The following NPIPB2 variants were observed in gnomAD, a reference collection of about 807,000 sequenced individuals.
The protein encoded by NPIPB2 is nuclear pore complex-interacting protein family member B2.
In NPIPB2, 27 loss-of-function variants were observed where a neutral mutation model predicts 30.8. The ratio of observed to expected loss-of-function variants is 0.88; its 90% CI spans 0.65 to 1.21. The LOEUF is 1.21. Among genes scored for constraint, NPIPB2 ranks in the 50% most tolerant of loss-of-function variants. NPIPB2 has a pLI of 0.00. For synonymous variants in NPIPB2, 147 were observed against 162.0 expected (o/e 0.91, Z 0.70); for missense variants, 440 against 446.2 (o/e 0.99, Z 0.13).
At chr16:11,960,338 C>G (rs572751073) in intron 1 of NPIPB2, among the ~76,000 whole-genome samples, 1 of 150,500 alleles carries the variant, frequency 6.6e-6, no homozygotes, top group Non-Finnish European at 1.5e-5. Context: ...CTTCTGGCTT[C>G]CCAGGTATGG....
At chr16:11,953,424 C>A (rs2055084898) in intron 1 of NPIPB2, among the ~76,000 whole-genome samples, 2 of 140,564 alleles carry the variant, frequency 1.4e-5, no homozygotes, top group African/African-American at 3.2e-5. Flanking sequence ...CTCACTGCAA[C>A]CTCCGCCTCC....
At chr16:11,938,399 C>T (rs1371018815) in intron 1 of NPIPB2, among the ~76,000 whole-genome samples, 11 of 152,150 alleles carry the variant, frequency 7.2e-5, no homozygotes, top group South Asian at 2.1e-4. Flanking sequence ...GGTGTGCTCT[C>T]GGCTCACTGC....
At chr16:11,965,312 T>G in intron 1 of NPIPB2, 1 of 1,614,084 alleles carries the variant, frequency 6.2e-7, no homozygotes, top group South Asian at 1.1e-5. Context: ...TCCCTTGTTT[T>G]CTTTTTGTGA....
intron 1 of NPIPB2, among the ~76,000 whole-genome samples, chr16:11,975,972 C>G (rs2055288624): frequency 6.6e-6 from 1 of 151,646 alleles, no homozygotes; most frequent in East Asian, 2.0e-4. Flanking sequence ...TAGAGAACGG[C>G]GTCTCGCTAC....
intron 1 of NPIPB2, among the ~76,000 whole-genome samples, chr16:11,971,008 C>A (rs908732001): frequency 1.3e-5 from 2 of 152,018 alleles, no homozygotes; most frequent in African/African-American, 4.8e-5. Context: ...CATGTACCAC[C>A]ATTCTCGGCT....
At chr16:11,954,764 C>G (rs1218755561) in intron 1 of NPIPB2, among the ~76,000 whole-genome samples, 1 of 151,586 alleles carries the variant, frequency 6.6e-6, no homozygotes, top group African/African-American at 2.4e-5. Context: ...AAAAATTAGC[C>G]AGGTGTGGTG....
intron 1 of NPIPB2, chr16:11,966,465 C>T (rs2055195139): frequency 1.0e-6 from 1 of 973,058 alleles, no homozygotes; most frequent in East Asian, 2.6e-5. Flanking sequence ...TGTGTTAGAA[C>T]ATTGTTACAT....
chr16:11,967,594 AC>A, intron 1 of NPIPB2: 3 of 1,613,908 alleles, frequency 1.9e-6, no homozygotes, highest in Non-Finnish European at 2.5e-6. Flanking sequence ...GGCATGGCTA[AC>A]ATTGACCTGG....
At chr16:11,961,735 T>A (rs2055154506) in intron 1 of NPIPB2, among the ~76,000 whole-genome samples, 1 of 150,964 alleles carries the variant, frequency 6.6e-6, no homozygotes, top group African/African-American at 2.4e-5. Flanking sequence ...AGCTGAAATT[T>A]TGCCACCACA....
chr16:11,970,720 T>C lies in NPIPB2; in HGVS notation c.-584+5848A>G, dbSNP rs1038564911. 2.6e-5 allele frequency among the ~76,000 whole-genome samples: 4 copies of C among 151,548 alleles called. No homozygotes were observed. In the South Asian group the frequency reaches 6.3e-4, roughly 24 times the overall value. ...CTGGCTAATTTTTGTATTTTTAATA[T>C]AGACGGGGTTTCACCTTGTTGGACA... On this transcript the variant is annotated intron_variant, in intron 1 of 5. Coordinates refer to the NPIPB2 transcript ENST00000538896.
intron 1 of NPIPB2, among the ~76,000 whole-genome samples, chr16:11,956,774 T>C (rs1030275316): frequency 3.9e-5 from 6 of 152,220 alleles, no homozygotes; most frequent in Admixed American, 3.3e-4. Context: ...ACCAGGCTTC[T>C]TGAGGTCCCC....
intron 1 of NPIPB2, among the ~76,000 whole-genome samples, chr16:11,947,873 T>A (rs2055026972): frequency 2.0e-5 from 3 of 151,096 alleles, no homozygotes; most frequent in Non-Finnish European, 2.9e-5. Flanking sequence ...GGGGCTAGCA[T>A]CAGTGCCCGT....
At chr16:11,970,880 G>A (rs1033645930) in intron 1 of NPIPB2, among the ~76,000 whole-genome samples, 3 of 140,390 alleles carry the variant, frequency 2.1e-5, no homozygotes, top group Non-Finnish European at 3.1e-5. Context: ...TTTGAGATAG[G>A]GTCTTACTCC....
Position 11,969,743 on chromosome 16 carries a change from G to A in NPIPB2, c.-584+6825C>T, listed in dbSNP as rs535361304. Among the ~76,000 whole-genome samples the A allele has an allele frequency of 3.3e-5, 5 of 152,196 alleles. No homozygotes were observed. The South Asian group carries it at 8.3e-4, about 25-fold the overall frequency. On this transcript the variant is annotated intron_variant, in intron 1 of 5. Transcript: ENST00000538896. ...ATGTGTAATCGCAAACTGTGATAAC[G>A]GTGCACGACATACTGTTTTCAGCCC...
rs767948470 is a variant in NPIPB2, at chr16:11,966,265, T to C, written c.-584+10303A>G. The C allele has an allele frequency of 5.0e-6, 8 of 1,613,994 alleles. No homozygotes were observed. In the South Asian group the frequency reaches 7.7e-5, roughly 16 times the overall value. On this transcript the variant is annotated intron_variant, in intron 1 of 5. Transcript: ENST00000538896. ...GTTTGGGACTGAGCTTAATAATTTCTTTGGCAGTTTTCGTGCTAATGTTTT... is the reference window on the plus strand; with the variant it reads ...GTTTGGGACTGAGCTTAATAATTTCCTTGGCAGTTTTCGTGCTAATGTTTT...
intron 1 of NPIPB2, among the ~76,000 whole-genome samples, chr16:11,954,368 C>T (rs1384416052): frequency 6.6e-6 from 1 of 151,484 alleles, no homozygotes. Flanking sequence ...ATCCCAGCTA[C>T]TGGGGAGGCT....
In NPIPB2 at chr16:11,933,510, A is replaced by G; in HGVS notation, c.488+7T>C. On this transcript the variant is annotated splice_region_variant and intron_variant, in intron 4 of 7. Coordinates refer to ENST00000399147, the Ensembl canonical transcript of NPIPB2. ...TACAACAATATTTGTGTCAAGGCAC[A>G]TCTTACTGTTTTTTGGCGGTCTTCC... 4 of 1,596,894 alleles carry G rather than the reference A, an allele frequency of 2.5e-6. No homozygotes were observed. In the East Asian group the frequency reaches 8.9e-5, roughly 36 times the overall value.
chr16:11,941,286 G>T, intron 1 of NPIPB2: 1 of 1,458,662 alleles, frequency 6.9e-7, no homozygotes, highest in Non-Finnish European at 9.2e-7. Context: ...CAGGACAGAG[G>T]TGGAGGTGGC....
intron 1 of NPIPB2, chr16:11,967,659 G>A: frequency 1.9e-6 from 3 of 1,614,190 alleles, no homozygotes; most frequent in Non-Finnish European, 2.5e-6. Flanking sequence ...CGAGTACACG[G>A]TGGAAGAATG....
Sources: gnomAD v4.1 joint callset for allele counts (sites outside exome capture counted in the v4.1 genomes callset) on GRCh38, gnomAD v4.1.1 for gene constraint, MANE v1.5 for transcripts, NCBI Gene and HGNC (gene_info 2026-07-23, HGNC 2026-07-21) for gene names.